The following BCAP29 variants were observed in gnomAD, a reference collection of about 807,000 sequenced individuals.
BCAP29 encodes B-cell receptor-associated protein 29.
In BCAP29, 34 loss-of-function variants were observed where a neutral mutation model predicts 31.8. The ratio of observed to expected loss-of-function variants is 1.07; its 90% CI spans 0.81 to 1.42. The LOEUF (loss-of-function observed/expected upper bound fraction) is 1.42, where lower values mean the gene tolerates loss of function less well. Ranked by LOEUF, BCAP29 falls within the 40% of genes most tolerant of loss-of-function variation. The pLI is 0.00. For missense variants in BCAP29, 314 were observed against 269.2 expected (o/e 1.17, Z -1.16); for synonymous variants, 104 against 91.3 (o/e 1.14, Z -0.79).
At chr7:107,591,424 G>A (rs1051924197) in intron 3 of BCAP29, among the ~76,000 whole-genome samples, 1 of 152,060 alleles carries the variant, frequency 6.6e-6, no homozygotes, top group Non-Finnish European at 1.5e-5. Context: ...AACAAAGATT[G>A]ACCTCCTCTG....
chr7:107,595,889 C>G lies in BCAP29; in HGVS notation c.367C>G (p.Leu123Val). Reference protein sequence around the residue: ...FWLVLRRLVTLITQLAKELSN... With the variant: ...FWLVLRRLVTVITQLAKELSN... ...TAGAGTTTTGAGACGTCTGGTTACGCTTATTACTCAACTGGCAAAAGAACT... is the reference window on the plus strand; with the variant it reads ...TAGAGTTTTGAGACGTCTGGTTACGGTTATTACTCAACTGGCAAAAGAACT... The change falls in exon 5 of 8, where the codon CTT (leucine) becomes GTT (valine). Residue 123 changes from leucine to valine, a missense_variant. Leu to Val is a conservative substitution (Grantham distance 32). Coordinates refer to ENST00000005259, the MANE Select transcript of BCAP29 (RefSeq NM_018844.4). 3 of 1,602,956 alleles carry G rather than the reference C, an allele frequency of 1.9e-6. No homozygotes were observed. Among genetic ancestry groups the G allele is most frequent in the Non-Finnish European group, 2.5e-6 (3 of 1,176,764 alleles).
At chr7:107,581,921 G>A (rs867516462) in intron 2 of BCAP29, among the ~76,000 whole-genome samples, 9 of 152,126 alleles carry the variant, frequency 5.9e-5, no homozygotes, top group Middle Eastern at 3.4e-3. Context: ...TATATATCAC[G>A]TACTGAGACC....
intron 6 of BCAP29, among the ~76,000 whole-genome samples, chr7:107,605,083 C>T (rs1459246593): frequency 6.6e-6 from 1 of 152,116 alleles, no homozygotes; most frequent in Non-Finnish European, 1.5e-5. Context: ...ATATTGCATC[C>T]TGTTTGGTTC....
chr7:107,589,195 T>A (rs1403660741), intron 3 of BCAP29, among the ~76,000 whole-genome samples: 1 of 152,212 alleles, frequency 6.6e-6, no homozygotes, highest in Non-Finnish European at 1.5e-5. Context: ...GGGACCAGCT[T>A]CATGGAAGAC....
At chr7:107,584,047 T>TA in intron 3 of BCAP29, 65 bp downstream of exon 3, 1 of 916,374 alleles carries the variant, frequency 1.1e-6, no homozygotes, top group Non-Finnish European at 1.6e-6. Flanking sequence ...TTTTAATTAA[T>TA]AGAGTTGATG....
At chr7:107,618,262 C>T (rs767872229) in intron 7 of BCAP29, 66 bp from the exon 8 acceptor site, 2 of 1,184,322 alleles carry the variant, frequency 1.7e-6, no homozygotes, top group Non-Finnish European at 2.4e-6. Flanking sequence ...TTTTAAAAGT[C>T]CTTGTCATGT....
Position 107,580,823 on chromosome 7 carries a change from A to T in BCAP29, c.51A>T (p.Gly17=), listed in dbSNP as rs1426253253. The change falls in exon 2 of 8, where the codon GGA becomes GGT. Residue 17 remains glycine, a synonymous_variant. Transcript: ENST00000005259. ...CAACCTTTCTTTATGCCGAAATAGG[A>T]CTCATTTTAATCTTCTGCCTACCTT... ...AVATFLYAEI[G]LILIFCLPFI... is the part of the protein sequence containing the mutation. 1.9e-6 allele frequency: 3 copies of T among 1,590,054 alleles called. No individual in the cohort carries two copies. Among genetic ancestry groups the T allele is most frequent in the Non-Finnish European group, 2.6e-6 (3 of 1,170,134 alleles).
chr7:107,587,109 A>ATG (rs1807844406), intron 3 of BCAP29, among the ~76,000 whole-genome samples: 1 of 152,156 alleles, frequency 6.6e-6, no homozygotes, highest in Non-Finnish European at 1.5e-5. Flanking sequence ...GTGTGTGTGC[A>ATG]TGTGTGTGTA....
Position 107,613,333 on chromosome 7 carries a change from CCTTT to C in BCAP29, c.594_597del (p.Ser199ArgfsTer6). 6.3e-7 allele frequency: 1 copy of C among 1,598,388 alleles called. No homozygotes were observed. Among genetic ancestry groups the C allele is most frequent in the Non-Finnish European group, 8.5e-7 (1 of 1,169,694 alleles). On this transcript the variant is annotated frameshift_variant and splice_region_variant, in exon 7 of 8. Coordinates refer to ENST00000005259, the MANE Select transcript of BCAP29 (RefSeq NM_018844.4). LOFTEE classifies it high-confidence loss of function. ...ATAAAACTATTCGATATTTTCTAGC[CCTTT>C]CTAAGGCACAAAATGATGTGATGGA...
chr7:107,591,606 G>C (rs1372711769), intron 3 of BCAP29, among the ~76,000 whole-genome samples: 4 of 44,546 alleles, frequency 9.0e-5, no homozygotes, highest in African/African-American at 1.4e-4. Context: ...TTCTCTCTCT[G>C]TCTGCCCCCT....
At chr7:107,613,793 G>A in intron 7 of BCAP29, 1 of 1,272,326 alleles carries the variant, frequency 7.9e-7, no homozygotes, top group South Asian at 1.2e-5. Flanking sequence ...AAAATTTCAA[G>A]TTCCACATCA....
intron 6 of BCAP29, among the ~76,000 whole-genome samples, chr7:107,612,574 T>A (rs796908696): frequency 8.6e-5 from 13 of 151,874 alleles, no homozygotes; most frequent in African/African-American, 3.1e-4. Flanking sequence ...GACTAAATTG[T>A]CTTCCTATAT....
intron 4 of BCAP29, among the ~76,000 whole-genome samples, chr7:107,595,041 G>C (rs1809565492): frequency 6.6e-6 from 1 of 152,044 alleles, no homozygotes; most frequent in African/African-American, 2.4e-5. Flanking sequence ...GAGTTCTGTG[G>C]TGTACCTAAC....
intron 6 of BCAP29, among the ~76,000 whole-genome samples, chr7:107,604,664 T>TTTGTTG (rs1294470890): frequency 1.1e-4 from 16 of 148,436 alleles, no homozygotes; most frequent in African/African-American, 4.0e-4. Flanking sequence ...TTTTAGTCAT[T>TTTGTTG]TTGTTGTTGT....
chr7:107,605,564 G>T (rs1563137872), intron 6 of BCAP29, among the ~76,000 whole-genome samples: 1 of 152,210 alleles, frequency 6.6e-6, no homozygotes, highest in Non-Finnish European at 1.5e-5. Flanking sequence ...TGAGTGAAAT[G>T]ATACTACTGT....
intron 3 of BCAP29, among the ~76,000 whole-genome samples, chr7:107,591,427 C>T (rs1393234299): frequency 2.6e-5 from 4 of 151,832 alleles, no homozygotes; most frequent in East Asian, 1.9e-4. Flanking sequence ...AAAGATTGAC[C>T]TCCTCTGAGC....
chr7:107,585,836 C>T lies in BCAP29; in HGVS notation c.193+1854C>T, dbSNP rs548786148. ...TGAAACCCTGTCTCTACCAAAAATA[C>T]AAAAATTAGCCGGGCATGGGGGCGC... On this transcript the variant is annotated intron_variant, in intron 3 of 7. Transcript: ENST00000005259. Among the ~76,000 whole-genome samples, 285 of 152,146 alleles carry T rather than the reference C, an allele frequency of 1.9e-3. 2 individuals carry two copies. Among genetic ancestry groups the T allele is most frequent in the African/African-American group, 6.7e-3 (277 of 41,500 alleles).
At chr7:107,600,059 GT>G (rs1308815881) in intron 5 of BCAP29, among the ~76,000 whole-genome samples, 1 of 151,936 alleles carries the variant, frequency 6.6e-6, no homozygotes, top group Non-Finnish European at 1.5e-5. Context: ...CCTCAGAACT[GT>G]TTTTTTCCCT....
Position 107,618,409 on chromosome 7 carries a change from TTGTTA to T in BCAP29, c.*52_*56del. ...AATATACTGTGTCAAAATGATAATT[TTGTTA>T]TGTTAGCCTCTAGAAAATTTAAGTT... On this transcript the variant is annotated 3_prime_UTR_variant, in exon 8 of 8. Transcript: ENST00000005259. The T allele has an allele frequency of 2.5e-6, 4 of 1,612,436 alleles. No homozygotes were observed. Among genetic ancestry groups the T allele is most frequent in the Non-Finnish European group, 3.4e-6 (4 of 1,178,800 alleles).
Sources: gnomAD v4.1 joint callset for allele counts (sites outside exome capture counted in the v4.1 genomes callset) on GRCh38, gnomAD v4.1.1 for gene constraint, MANE v1.5 for transcripts, NCBI Gene and HGNC (gene_info 2026-07-23, HGNC 2026-07-21) for gene names.